FMNL2: variants seen among roughly 807,000 people sequenced by gnomAD.
FMNL2 encodes formin-like protein 2.
FMNL2 carries 51 observed loss-of-function variants against 130.2 expected under a neutral mutation model. That is an observed-to-expected ratio of 0.39 (90% CI 0.31 to 0.49). The LOEUF (loss-of-function observed/expected upper bound fraction) is 0.49. Ranked by LOEUF, FMNL2 falls within the 20% of genes least tolerant of loss-of-function variation. FMNL2 has a pLI of 0.85. For synonymous variants in FMNL2, 465 were observed against 467.1 expected (o/e 1.00, Z 0.06); for missense variants, 977 against 1,316.2 (o/e 0.74, Z 3.99).
At chr2:152,396,690 C>T (rs1685413939) in intron 1 of FMNL2, among the ~76,000 whole-genome samples, 1 of 152,102 alleles carries the variant, frequency 6.6e-6, no homozygotes, top group African/African-American at 2.4e-5. Context: ...CTTTAACTCT[C>T]CCCTCTCTCC....
chr2:152,336,237 C>G (rs1318861454), intron 1 of FMNL2, among the ~76,000 whole-genome samples: 1 of 152,100 alleles, frequency 6.6e-6, no homozygotes, highest in Admixed American at 6.5e-5. Flanking sequence ...TGAGCGGAGG[C>G]GAACTTGGAG....
intron 25 of FMNL2, among the ~76,000 whole-genome samples, chr2:152,646,915 A>C (rs1368530412): frequency 6.6e-6 from 1 of 152,222 alleles, no homozygotes; most frequent in East Asian, 1.9e-4. Context: ...ATGCCTTCAT[A>C]CTGAGTTCTT....
chr2:152,446,052 T>A (rs1032053184), intron 1 of FMNL2, among the ~76,000 whole-genome samples: 5 of 152,218 alleles, frequency 3.3e-5, no homozygotes, highest in African/African-American at 1.2e-4. Flanking sequence ...CCAGTTTTAC[T>A]AATTTGTTCT....
At chr2:152,634,390 A>G (rs1023923106) in intron 21 of FMNL2, among the ~76,000 whole-genome samples, 1 of 152,204 alleles carries the variant, frequency 6.6e-6, no homozygotes, top group Non-Finnish European at 1.5e-5. Flanking sequence ...CTGAGACTGT[A>G]CCACTTCACT....
chr2:152,642,715 T>TG (rs1376652966), intron 25 of FMNL2, among the ~76,000 whole-genome samples: 1 of 152,144 alleles, frequency 6.6e-6, no homozygotes, highest in Non-Finnish European at 1.5e-5. Context: ...ATTAAGAACT[T>TG]GGAGTTCCTG....
At chr2:152,542,617 C>A in intron 2 of FMNL2, 122 bp from the exon 3 acceptor site, 1 of 888,822 alleles carries the variant, frequency 1.1e-6, no homozygotes, top group South Asian at 1.5e-5. Context: ...AAAATGACTG[C>A]TCGCAGGGCC....
At chr2:152,564,120 T>C (rs540992493) in intron 6 of FMNL2, among the ~76,000 whole-genome samples, 69 of 152,146 alleles carry the variant, frequency 4.5e-4, no homozygotes, top group African/African-American at 1.7e-3. Flanking sequence ...TTTTTAGAAT[T>C]TGAACCTTTA....
At chr2:152,523,306 T>C (rs1487176309) in intron 2 of FMNL2, among the ~76,000 whole-genome samples, 2 of 152,178 alleles carry the variant, frequency 1.3e-5, no homozygotes, top group East Asian at 3.9e-4. Flanking sequence ...GCTAAGATGC[T>C]CAGAGACAGA....
chr2:152,424,166 T>C (rs924525277), intron 1 of FMNL2, among the ~76,000 whole-genome samples: 3 of 152,090 alleles, frequency 2.0e-5, no homozygotes, highest in Non-Finnish European at 4.4e-5. Flanking sequence ...ACCACTCTAG[T>C]TTTTGTTTAG....
At chr2:152,345,537 G>A (rs1465905945) in intron 1 of FMNL2, among the ~76,000 whole-genome samples, 1 of 152,170 alleles carries the variant, frequency 6.6e-6, no homozygotes, top group African/African-American at 2.4e-5. Context: ...AGTGAATTGG[G>A]TGAATAGCTT....
chr2:152,581,643 C>T (rs1233448062), intron 9 of FMNL2, among the ~76,000 whole-genome samples: 3 of 152,006 alleles, frequency 2.0e-5, no homozygotes, highest in African/African-American at 7.3e-5. Context: ...CGGGCCCTGC[C>T]CCAGTGTATC....
intron 1 of FMNL2, among the ~76,000 whole-genome samples, chr2:152,370,582 G>T (rs1683820194): frequency 6.6e-6 from 1 of 152,172 alleles, no homozygotes; most frequent in South Asian, 2.1e-4. Context: ...CTATAAACAA[G>T]GTGGTATTTC....
At chr2:152,601,147 T>C (rs1194656383) in intron 9 of FMNL2, among the ~76,000 whole-genome samples, 1 of 152,016 alleles carries the variant, frequency 6.6e-6, no homozygotes, top group East Asian at 1.9e-4. Context: ...ATAGTGAGGG[T>C]AGAATTCTCA....
intron 1 of FMNL2, among the ~76,000 whole-genome samples, chr2:152,402,106 G>A (rs1392370583): frequency 6.6e-6 from 1 of 151,910 alleles, no homozygotes; most frequent in Non-Finnish European, 1.5e-5. Context: ...GTTTCACCAT[G>A]TTAGCCAGGA....
intron 1 of FMNL2, among the ~76,000 whole-genome samples, chr2:152,482,040 T>G (rs1690556597): frequency 6.6e-6 from 1 of 152,148 alleles, no homozygotes; most frequent in Admixed American, 6.5e-5. Flanking sequence ...TCTGGTGACC[T>G]CAGTCACACT....
intron 9 of FMNL2, among the ~76,000 whole-genome samples, chr2:152,606,480 G>A (rs1698361309): frequency 6.6e-6 from 1 of 152,158 alleles, no homozygotes; most frequent in South Asian, 2.1e-4. Flanking sequence ...TACTTGGGAA[G>A]CTGAGGCAGG....
At chr2:152,598,825 T>G (rs937244440) in intron 9 of FMNL2, among the ~76,000 whole-genome samples, 38 of 152,314 alleles carry the variant, frequency 2.5e-4, no homozygotes, top group African/African-American at 8.2e-4. Flanking sequence ...TCTGAAGATA[T>G]AAGAGGAAAC....
chr2:152,466,947 C>T (rs924110788), intron 1 of FMNL2, among the ~76,000 whole-genome samples: 8 of 152,104 alleles, frequency 5.3e-5, no homozygotes, highest in African/African-American at 1.7e-4. Flanking sequence ...CGATTTTGTC[C>T]CTGAAGATTT....
intron 1 of FMNL2, among the ~76,000 whole-genome samples, chr2:152,407,715 T>C (rs1686063035): frequency 2.0e-5 from 3 of 152,252 alleles, no homozygotes; most frequent in Admixed American, 1.3e-4. Context: ...TACAATTTCA[T>C]GGCCTGGGTC....
Sources: gnomAD v4.1 joint callset for allele counts (sites outside exome capture counted in the v4.1 genomes callset) on GRCh38, gnomAD v4.1.1 for gene constraint, MANE v1.5 for transcripts, NCBI Gene and HGNC (gene_info 2026-07-23, HGNC 2026-07-21) for gene names.